The following SERTAD4 variants were observed in gnomAD, a reference collection of about 807,000 sequenced individuals.
SERTAD4 encodes the protein SERTA domain containing 4.
SERTAD4 carries 18 observed loss-of-function variants against 32.9 expected under a neutral mutation model. That is an observed-to-expected ratio of 0.55 (90% CI 0.38 to 0.81). The LOEUF (loss-of-function observed/expected upper bound fraction) is 0.81, where lower values mean the gene tolerates loss of function less well. SERTAD4 is among the 30% of genes least tolerant of loss of function. The pLI, the probability that SERTAD4 is intolerant of heterozygous loss-of-function variation, is 0.00. For missense variants in SERTAD4, 383 were observed against 426.0 expected (o/e 0.90, Z 0.89); for synonymous variants, 150 against 156.4 (o/e 0.96, Z 0.30).
At position 210,241,553 on chromosome 1, in the gene SERTAD4, T is replaced by TG. The variant is rs1217693679; in HGVS notation, c.292-4dup. ...TTTTTTCTTTTTTTTTTTTTTGGTTTGTAGACCATCTCAATTTTTGAGGAA... is the reference window on the plus strand; with the variant it reads ...TTTTTTCTTTTTTTTTTTTTTGGTTTGGTAGACCATCTCAATTTTTGAGGAA... On this transcript the variant is annotated splice_polypyrimidine_tract_variant and splice_region_variant and intron_variant, in intron 3 of 3. Coordinates refer to ENST00000367012, the MANE Select transcript of SERTAD4 (RefSeq NM_019605.5). 11 of 1,535,100 alleles carry TG rather than the reference T, an allele frequency of 7.2e-6. No homozygotes were observed. The highest frequency in any genetic ancestry group is 9.6e-6 in the Non-Finnish European group (11 of 1,147,500).
rs1271702879 is a variant in SERTAD4 at position 210,245,857 on chromosome 1, A to C, written c.*3520A>C. The C allele has an allele frequency of 1.0e-6, 1 of 985,242 alleles. No homozygotes were observed. Among genetic ancestry groups the C allele is most frequent in the East Asian group, 1.1e-4 (1 of 8,824 alleles). The allele number at this position is 985,242 out of a possible 1,614,324, so 61.0% of individuals were successfully genotyped here. ...GACCATTAAGAGACATCAACTTCGCAACAAATATAAGACAAGGATACAAGG... is the reference window on the plus strand; with the variant it reads ...GACCATTAAGAGACATCAACTTCGCCACAAATATAAGACAAGGATACAAGG... On this transcript the variant is annotated 3_prime_UTR_variant, in exon 4 of 4. Coordinates refer to ENST00000367012, the MANE Select transcript of SERTAD4 (RefSeq NM_019605.5).
intron 2 of SERTAD4, 53 bp from the exon 3 acceptor site, chr1:210,239,440 G>A (rs2083973566): frequency 9.6e-7 from 1 of 1,040,490 alleles, no homozygotes; most frequent in African/African-American, 1.6e-5. Flanking sequence ...ATTTTGTTTG[G>A]AGAACCTCTG....
chr1:210,234,217 C>G (rs932160621), intron 1 of SERTAD4, among the ~76,000 whole-genome samples: 2 of 151,880 alleles, frequency 1.3e-5, no homozygotes, highest in Admixed American at 6.6e-5. Flanking sequence ...TGTGCGGGAG[C>G]CAGGATGTGG....
rs994702091 is a variant in SERTAD4, at chr1:210,243,182, G to A, written c.*845G>A. On this transcript the variant is annotated 3_prime_UTR_variant, in exon 4 of 4. Coordinates refer to ENST00000367012, the MANE Select transcript of SERTAD4 (RefSeq NM_019605.5). ...AACTATTGTGTTCAGCTTTTGATTCGACATCTCTATTCTTTATTTTTGATG... is the reference window on the plus strand; with the variant it reads ...AACTATTGTGTTCAGCTTTTGATTCAACATCTCTATTCTTTATTTTTGATG... 4 of 947,578 alleles carry A rather than the reference G, an allele frequency of 4.2e-6. No individual in the cohort carries two copies. The highest frequency in any genetic ancestry group is 6.3e-5 in the Admixed American group (1 of 15,938). The allele number at this position is 947,578 out of a possible 1,614,324, so 58.7% of individuals were successfully genotyped here.
chr1:210,241,813 T>C lies in SERTAD4; in HGVS notation c.547T>C (p.Cys183Arg). 1 of 1,614,126 alleles carries C rather than the reference T, an allele frequency of 6.2e-7. No homozygotes were observed. Among genetic ancestry groups the C allele is most frequent in the Non-Finnish European group, 8.5e-7 (1 of 1,180,026 alleles). Residue 183 changes from cysteine (C) to arginine (R), a missense_variant, in exon 4 of 4, where the codon TGT becomes CGT. Transcript: ENST00000367012. ...RKRPRMAKEE[C>R]EKFHACCFYQ... The stretch of plus-strand genomic sequence containing the variant: ...ACGACCACGGATGGCCAAAGAGGAA[T>C]GTGAAAAGTTTCATGCCTGCTGCTT...
intron 1 of SERTAD4, among the ~76,000 whole-genome samples, chr1:210,234,325 C>T (rs1374315856): frequency 1.3e-5 from 2 of 152,178 alleles, no homozygotes; most frequent in Non-Finnish European, 2.9e-5. Flanking sequence ...CACCAGGGCT[C>T]GGGCATCGGA....
chr1:210,240,554 GC>G (rs956444422), intron 3 of SERTAD4, among the ~76,000 whole-genome samples: 16 of 152,172 alleles, frequency 1.1e-4, no homozygotes, highest in African/African-American at 3.6e-4. Context: ...GTGCCAGTTT[GC>G]TTTTTTGATG....
chr1:210,238,044 A>G lies in SERTAD4; in HGVS notation c.84A>G (p.Leu28=), dbSNP rs1393212357. 3 of 1,613,602 alleles carry G rather than the reference A, an allele frequency of 1.9e-6. No individual in the cohort carries two copies. The highest frequency in any genetic ancestry group is 3.3e-5 in the Admixed American group (2 of 59,964). The change falls in exon 2 of 4, where the codon CTA becomes CTG. Residue 28 remains leucine (L), a synonymous_variant. Coordinates refer to ENST00000367012, the MANE Select transcript of SERTAD4 (RefSeq NM_019605.5). ...GAAEIAGYQT[L]WEADSYGGPS... is the part of the protein sequence containing the mutation. The stretch of plus-strand genomic sequence containing the variant: ...CTGAAATTGCTGGGTACCAAACACT[A>G]TGGGAGGCTGACAGCTACGGAGGCC...
Position 210,244,168 on chromosome 1 carries a change from A to C in SERTAD4, c.*1831A>C, listed in dbSNP as rs952155236. 7.9e-5 allele frequency: 12 copies of C among 152,342 alleles called. 1 individual carries two copies. In the South Asian group the frequency reaches 8.3e-4, roughly 11 times the overall value. The allele number at this position is 152,342 out of a possible 1,614,324, so 9.4% of individuals were successfully genotyped here. On this transcript the variant is annotated 3_prime_UTR_variant, in exon 4 of 4. Transcript: ENST00000367012. ...TTTCCATTATTCTCTCTCCTTTAAA[A>C]AACTCAAAACATCTAGAAACTGTAG...
Position 210,237,975 on chromosome 1 carries a change from G to A in SERTAD4, c.15G>A (p.Leu5=). ...GGCTGTCAGAGATGACTCTGGTTCT[G>A]TCCATGAATAGATTCTGCGAGCCCA... The part of the protein sequence containing the change: MTLV[L]SMNRFCEPIV... Residue 5 remains leucine (L), a synonymous_variant, in exon 2 of 4, where the codon CTG becomes CTA. Coordinates refer to ENST00000367012, the MANE Select transcript of SERTAD4 (RefSeq NM_019605.5). 5.0e-6 allele frequency: 8 copies of A among 1,605,768 alleles called. No homozygotes were observed. Among genetic ancestry groups the A allele is most frequent in the Non-Finnish European group, 6.8e-6 (8 of 1,175,956 alleles).
At position 210,237,937 on chromosome 1, in the gene SERTAD4, T is replaced by C. The variant is rs2083956996; in HGVS notation, c.-17-7T>C. 5 of 1,566,734 alleles carry C rather than the reference T, an allele frequency of 3.2e-6. 1 individual carries two copies. In the African/African-American group the frequency reaches 6.9e-5, roughly 22 times the overall value. ...TTCATTCTTGTTTTTTTTTTTTTTCTTTTCAGATCTGAGGCTGTCAGAGAT... is the reference window on the plus strand; with the variant it reads ...TTCATTCTTGTTTTTTTTTTTTTTCCTTTCAGATCTGAGGCTGTCAGAGAT... On this transcript the variant is annotated splice_polypyrimidine_tract_variant and splice_region_variant and intron_variant, in intron 1 of 3. Transcript: ENST00000367012.
rs551921249 is a variant in SERTAD4, at chr1:210,240,094, C to T, written c.291+486C>T. Among the ~76,000 whole-genome samples the T allele has an allele frequency of 2.6e-5, 4 of 152,076 alleles. No individual in the cohort carries two copies. The East Asian group carries it at 5.8e-4, about 22-fold the overall frequency. On this transcript the variant is annotated intron_variant, in intron 3 of 3. Coordinates refer to ENST00000367012, the MANE Select transcript of SERTAD4 (RefSeq NM_019605.5). ...GTGTGTATACAAGTAGAAATATGCA[C>T]TTCACTGGACATGGGTTACATATAA...
intron 1 of SERTAD4, among the ~76,000 whole-genome samples, chr1:210,234,408 C>G (rs949305731): frequency 3.9e-5 from 6 of 152,212 alleles, no homozygotes; most frequent in African/African-American, 1.4e-4. Context: ...CTCTTGGCCT[C>G]GCGGGGCTGC....
At position 210,241,872 on chromosome 1, in the gene SERTAD4, A is replaced by G. The variant is rs1235205159; in HGVS notation, c.606A>G (p.Leu202=). 6.2e-7 allele frequency: 1 copy of G among 1,613,718 alleles called. No individual in the cohort carries two copies. Among genetic ancestry groups the G allele is most frequent in the East Asian group, 2.2e-5 (1 of 44,874 alleles). ...YQECGGHYLN[L]PLSVNANVGS... is the part of the protein sequence containing the mutation. ...AATGTGGTGGCCACTACCTAAATTT[A>G]CCCCTTTCTGTCAATGCTAATGTTG... Residue 202 remains leucine, a synonymous_variant, in exon 4 of 4, where the codon TTA becomes TTG. Transcript: ENST00000367012.
At position 210,245,053 on chromosome 1, in the gene SERTAD4, T is replaced by A. The variant is rs2084034652; in HGVS notation, c.*2716T>A. On this transcript the variant is annotated 3_prime_UTR_variant, in exon 4 of 4. Coordinates refer to ENST00000367012, the MANE Select transcript of SERTAD4 (RefSeq NM_019605.5). ...TTATGCATGAGATATTCCATTAGAT[T>A]TTCCTAGAGTGGCCAGGACACCCTT... is the stretch of plus-strand genomic sequence containing the variant. 1 of 152,194 alleles carries A rather than the reference T, an allele frequency of 6.6e-6. No homozygotes were observed. The allele number at this position is 152,194 out of a possible 1,614,324, so 9.4% of individuals were successfully genotyped here.
chr1:210,236,351 T>A (rs2083940438), intron 1 of SERTAD4, among the ~76,000 whole-genome samples: 1 of 152,124 alleles, frequency 6.6e-6, no homozygotes, highest in Non-Finnish European at 1.5e-5. Flanking sequence ...ACCAGCTGAG[T>A]CCTAATTCTC....
chr1:210,233,504 G>T (rs1190544080), intron 1 of SERTAD4: 1 of 352,274 alleles, frequency 2.8e-6, no homozygotes, highest in Non-Finnish European at 5.5e-6. Context: ...TCAGGAGCGC[G>T]CGTTTGCAAG....
intron 1 of SERTAD4, among the ~76,000 whole-genome samples, chr1:210,236,826 G>A (rs892916443): frequency 2.0e-5 from 3 of 152,294 alleles, no homozygotes; most frequent in East Asian, 1.9e-4. Context: ...CTGAGGTTGC[G>A]CTACTGTCAC....
intron 1 of SERTAD4, among the ~76,000 whole-genome samples, chr1:210,235,898 A>T (rs2083936085): frequency 6.6e-6 from 1 of 152,226 alleles, no homozygotes; most frequent in African/African-American, 2.4e-5. Context: ...CCATGATCTA[A>T]CACAAAAGTG....
Sources: allele counts gnomAD v4.1 joint callset (sites outside exome capture counted in the v4.1 genomes callset), GRCh38; gene constraint gnomAD v4.1.1; transcripts MANE v1.5; gene names NCBI Gene and HGNC (gene_info 2026-07-23, HGNC 2026-07-21).